The following NRAP variants were observed in gnomAD, a reference collection of about 807,000 sequenced individuals.
NRAP encodes nebulin-related-anchoring protein.
NRAP carries 189 observed loss-of-function variants against 225.9 expected under a neutral mutation model. The ratio of observed to expected loss-of-function variants is 0.84; its 90% CI spans 0.74 to 0.94. The LOEUF is 0.94. Ranked by LOEUF, NRAP falls within the 40% of genes least tolerant of loss-of-function variation. NRAP has a pLI of 0.00. For synonymous variants in NRAP, 769 were observed against 790.7 expected, an observed-to-expected ratio of 0.97 and a Z score of 0.46; for missense variants, 2,176 against 2,168.7, an observed-to-expected ratio of 1.00 and a Z score of -0.07.
rs761660419 is a variant in NRAP, at chr10:113,631,881, T to C, written c.1716A>G (p.Lys572=). The C allele has an allele frequency of 1.2e-6, 2 of 1,612,690 alleles. No individual in the cohort carries two copies. The highest frequency in any genetic ancestry group is 1.1e-5 in the South Asian group (1 of 91,048). ...KLDAMSLLAA[K]ASGELASNIK... ...CATTGCTAGCAAGCTCCCCAGAGGC[T>C]TTGGCGGCCAGCAGAGACATGGCAT... The change falls in exon 17 of 42, where the codon AAA becomes AAG. Residue 572 remains lysine, a synonymous_variant. Coordinates refer to ENST00000359988, the MANE Select transcript of NRAP (RefSeq NM_198060.4).
At position 113,646,922 on chromosome 10, in the gene NRAP, C is replaced by A. The variant is rs112223690; in HGVS notation, c.993+1G>T. 2.2e-5 allele frequency: 35 copies of A among 1,606,128 alleles called. No individual in the cohort carries two copies. In the African/African-American group the frequency reaches 4.0e-4, roughly 18 times the overall value. On this transcript the variant is annotated splice_donor_variant, in intron 10 of 41. Coordinates refer to ENST00000359988, the MANE Select transcript of NRAP (RefSeq NM_198060.4). LOFTEE classifies it high-confidence loss of function. ...TGTGGTCACACCTACATGGTACTTA[C>A]GTCACTAGCGAGTTCGTGAGCTTTC...
At chr10:113,612,816 G>A (rs1847416333) in intron 29 of NRAP, among the ~76,000 whole-genome samples, 1 of 152,196 alleles carries the variant, frequency 6.6e-6, no homozygotes, top group African/African-American at 2.4e-5. Context: ...GCCCACTCAA[G>A]TTCAGACACG....
chr10:113,633,011 G>GT, intron 16 of NRAP, 73 bp downstream of exon 16: 1 of 829,096 alleles, frequency 1.2e-6, no homozygotes, highest in Non-Finnish European at 2.1e-6. Flanking sequence ...CCCACTTGCT[G>GT]GACCATCCTG....
intron 27 of NRAP, among the ~76,000 whole-genome samples, chr10:113,615,336 A>T (rs966272130): frequency 6.6e-6 from 1 of 152,140 alleles, no homozygotes; most frequent in African/African-American, 2.4e-5. Flanking sequence ...TGGGCAGGGG[A>T]GCTGACAGAT....
At chr10:113,654,718 G>A (rs927630249) in intron 4 of NRAP, among the ~76,000 whole-genome samples, 4 of 152,162 alleles carry the variant, frequency 2.6e-5, no homozygotes, top group African/African-American at 9.7e-5. Flanking sequence ...TAGAATTTGA[G>A]CTGTACCTCC....
intron 29 of NRAP, 87 bp downstream of exon 29, chr10:113,614,096 C>T (rs1276750698): frequency 2.3e-6 from 2 of 861,456 alleles, no homozygotes; most frequent in African/African-American, 3.3e-5. Flanking sequence ...TACCCATGTC[C>T]AGAAGGACAA....
intron 29 of NRAP, among the ~76,000 whole-genome samples, chr10:113,612,710 T>A (rs568439453): frequency 2.7e-4 from 41 of 152,308 alleles, no homozygotes; most frequent in African/African-American, 9.1e-4. Flanking sequence ...GAACAGTAAA[T>A]AATGTCAGTG....
rs750791284 is a variant in NRAP, at chr10:113,650,559, A to T, written c.676-14T>A. On this transcript the variant is annotated splice_polypyrimidine_tract_variant and intron_variant, in intron 7 of 41. Coordinates refer to ENST00000359988, the MANE Select transcript of NRAP (RefSeq NM_198060.4). ...TGTGTATCTCACCTGAAATGAAAAAACATGTGAATCACATGCCCCATGTTT... is the reference window on the plus strand; with the variant it reads ...TGTGTATCTCACCTGAAATGAAAAATCATGTGAATCACATGCCCCATGTTT... 2.0e-6 allele frequency: 3 copies of T among 1,536,786 alleles called. No individual in the cohort carries two copies. The highest frequency in any genetic ancestry group is 3.3e-5 in the Admixed American group (2 of 59,930).
chr10:113,591,333 G>C (rs898879650), intron 39 of NRAP, among the ~76,000 whole-genome samples: 1 of 152,132 alleles, frequency 6.6e-6, no homozygotes, highest in Admixed American at 6.5e-5. Context: ...TACAGTGAAG[G>C]GCCAGTCCCA....
chr10:113,607,259 G>A (rs371517100), intron 32 of NRAP, among the ~76,000 whole-genome samples: 14 of 149,590 alleles, frequency 9.4e-5, no homozygotes, highest in African/African-American at 2.7e-4. Flanking sequence ...AAAATTAGCC[G>A]GGCATGGTGG....
At chr10:113,639,727 C>T (rs1849088822) in intron 14 of NRAP, among the ~76,000 whole-genome samples, 2 of 152,164 alleles carry the variant, frequency 1.3e-5, no homozygotes, top group South Asian at 2.1e-4. Context: ...ACAAGCCAAA[C>T]CATAAATAAA....
chr10:113,653,179 G>A (rs1850091075), intron 5 of NRAP, 140 bp from the exon 6 acceptor site: 1 of 566,696 alleles, frequency 1.8e-6, no homozygotes, highest in Non-Finnish European at 3.1e-6. Flanking sequence ...TTTAAAAATG[G>A]CTTATAATTG....
chr10:113,646,882 C>G (rs751441838), intron 10 of NRAP, 41 bp downstream of exon 10: 1 of 1,341,874 alleles, frequency 7.5e-7, no homozygotes, highest in Non-Finnish European at 1.1e-6. Flanking sequence ...AGTCTCACTT[C>G]TCTGCCTCTG....
At chr10:113,652,878 G>T in intron 6 of NRAP, 57 bp downstream of exon 6, 2 of 1,147,228 alleles carry the variant, frequency 1.7e-6, no homozygotes, top group South Asian at 2.5e-5. Flanking sequence ...AATCACGGGG[G>T]CTCATTAATG....
Position 113,615,756 on chromosome 10 carries a change from G to A in NRAP, c.3034C>T (p.Pro1012Ser), listed in dbSNP as rs1170078480. The change falls in exon 27 of 42, where the codon CCT becomes TCT. Residue 1012 changes from proline to serine, a missense_variant. Pro to Ser is a moderately conservative substitution (Grantham distance 74). This residue lies in a region of NRAP where 1,708 missense variants were observed against 1,695.5 expected (regional missense o/e 1.01). Coordinates refer to ENST00000359988, the MANE Select transcript of NRAP (RefSeq NM_198060.4). Reference sequence around the variant, plus strand: ...TTCAGCTTGGCCAGCAGGACTTCAGGGAGGTCAGCAGTCGGTGTGTAATGA... The same window carrying A: ...TTCAGCTTGGCCAGCAGGACTTCAGAGAGGTCAGCAGTCGGTGTGTAATGA... ...KHHYTPTADL[P>S]EVLLAKLNAM... 1 of 1,612,198 alleles carries A rather than the reference G, an allele frequency of 6.2e-7. No individual in the cohort carries two copies. Among genetic ancestry groups the A allele is most frequent in the African/African-American group, 1.3e-5 (1 of 74,870 alleles).
At position 113,589,039 on chromosome 10, in the gene NRAP, C is replaced by G. The variant is rs773566336; in HGVS notation, c.5129G>C (p.Gly1710Ala). The stretch of plus-strand genomic sequence containing the variant: ...CTCAGTGGCATCTGGGTTCACCTCC[C>G]CACTCTGATGATCTCCAGCCTCCAC... Reference protein sequence around the residue: ...EAVEAGDHQSGEVNPDATEIL... With the variant: ...EAVEAGDHQSAEVNPDATEIL... Residue 1710 changes from glycine (G) to alanine (A), a missense_variant, in exon 42 of 42, where the codon GGG becomes GCG. Gly to Ala is a moderately conservative substitution (Grantham distance 60, BLOSUM62 0). Around this residue, in one of 3 missense-constraint regions of NRAP, gnomAD observed 445 missense variants for 426.1 expected, o/e 1.04. Coordinates refer to ENST00000359988, the MANE Select transcript of NRAP (RefSeq NM_198060.4). The G allele has an allele frequency of 6.2e-7, 1 of 1,614,070 alleles. No homozygotes were observed. Among genetic ancestry groups the G allele is most frequent in the Non-Finnish European group, 8.5e-7 (1 of 1,180,010 alleles).
chr10:113,642,894 C>T, intron 12 of NRAP, 40 bp downstream of exon 12: 1 of 1,055,786 alleles, frequency 9.5e-7, no homozygotes, highest in Non-Finnish European at 1.5e-6. Flanking sequence ...ACTAAGCTCA[C>T]CAACAGTGCC....
intron 35 of NRAP, among the ~76,000 whole-genome samples, chr10:113,602,241 C>T (rs1038051053): frequency 6.6e-6 from 1 of 152,224 alleles, no homozygotes; most frequent in Non-Finnish European, 1.5e-5. Context: ...CATGGACACA[C>T]AGTGACAGAG....
In NRAP at chr10:113,664,002, C is replaced by A; in HGVS notation, c.-120G>T. ...ATAAAATTCCTGTGGGCACCTCGAT[C>A]TTTCAGAATCCAACTTCCACTTTCC... On this transcript the variant is annotated 5_prime_UTR_variant, in exon 1 of 42. Transcript: ENST00000359988. The A allele has an allele frequency of 1.4e-6, 1 of 721,256 alleles. No individual in the cohort carries two copies. The highest frequency in any genetic ancestry group is 2.4e-6 in the Non-Finnish European group (1 of 408,986). 44.7% of individuals were successfully genotyped at this position (721,256 alleles called of 1,614,324 possible). A position where few individuals can be genotyped will look rare whatever the true frequency, so the allele number is the denominator to read the frequency against.
Sources: allele counts gnomAD v4.1 joint callset (sites outside exome capture counted in the v4.1 genomes callset), GRCh38; gene constraint gnomAD v4.1.1; regional missense constraint gnomAD v4.1.1; transcripts MANE v1.5; gene names NCBI Gene and HGNC (gene_info 2026-07-23, HGNC 2026-07-21).